Variants in MREG observed in about 807,000 individuals in gnomAD.
MREG encodes the protein melanoregulin, also known as dilute suppressor protein homolog.
In MREG, 31 loss-of-function variants were observed where a neutral mutation model predicts 28.5. The ratio of observed to expected loss-of-function variants is 1.09; its 90% CI spans 0.82 to 1.47. The LOEUF is 1.47. Among genes scored for constraint, MREG ranks in the 40% most tolerant of loss-of-function variants. The pLI is 0.00. For synonymous variants in MREG, 106 were observed against 95.2 expected (o/e 1.11, Z -0.66); for missense variants, 256 against 257.4 (o/e 0.99, Z 0.04).
intron 2 of MREG, among the ~76,000 whole-genome samples, chr2:215,948,628 CTTA>C (rs1692383729): frequency 1.3e-5 from 2 of 152,152 alleles, no homozygotes. Context: ...TTGGAAGGGC[CTTA>C]TTATACTTAC....
intron 1 of MREG, among the ~76,000 whole-genome samples, chr2:216,028,321 A>C (rs1010296697): frequency 2.0e-5 from 3 of 152,060 alleles, no homozygotes; most frequent in Non-Finnish European, 4.4e-5. Flanking sequence ...CGAGATCACG[A>C]GGTCAGGAGA....
In MREG at chr2:215,963,463, A is replaced by C. The variant is rs868223738; in HGVS notation, c.256-16350T>G. Among the ~76,000 whole-genome samples, 47 of 147,826 alleles carry C rather than the reference A, an allele frequency of 3.2e-4. No homozygotes were observed. The South Asian group carries it at 0.01, about 32-fold the overall frequency. On this transcript the variant is annotated intron_variant, in intron 2 of 4. Transcript: ENST00000263268. Reference sequence around the variant, plus strand: ...AAAAAAAAAAAAAAAAAACAAAAAAACAGAGTTTTTATATTGATTACGTGT... The same window carrying C: ...AAAAAAAAAAAAAAAAAACAAAAAACCAGAGTTTTTATATTGATTACGTGT...
At chr2:215,972,216 C>T (rs1012774993) in intron 2 of MREG, among the ~76,000 whole-genome samples, 1 of 152,102 alleles carries the variant, frequency 6.6e-6, no homozygotes, top group Non-Finnish European at 1.5e-5. Context: ...TGGGAAAGAC[C>T]AAAAACTTCA....
chr2:216,018,635 C>T (rs1694479654), intron 1 of MREG, among the ~76,000 whole-genome samples: 1 of 152,236 alleles, frequency 6.6e-6, no homozygotes, highest in South Asian at 2.1e-4. Context: ...TCATCACTCA[C>T]CCCAAGTGAT....
intron 1 of MREG, among the ~76,000 whole-genome samples, chr2:216,004,566 A>C (rs1160439250): frequency 3.0e-4 from 9 of 29,778 alleles, no homozygotes; most frequent in East Asian, 3.7e-3. Flanking sequence ...AAAACAAACA[A>C]AAAAAAAAAA....
chr2:215,990,667 C>T (rs377557859), intron 2 of MREG, among the ~76,000 whole-genome samples: 8 of 152,236 alleles, frequency 5.3e-5, no homozygotes, highest in African/African-American at 1.9e-4. Flanking sequence ...CATGCAAAGA[C>T]ACATATAGGC....
intron 2 of MREG, among the ~76,000 whole-genome samples, chr2:215,965,535 AC>A (rs1251266433): frequency 1.3e-5 from 2 of 152,180 alleles, no homozygotes; most frequent in African/African-American, 4.8e-5. Flanking sequence ...TTTTAGAAAA[AC>A]CAACAATCCT....
At chr2:215,994,027 A>G in intron 2 of MREG, among the ~76,000 whole-genome samples, 1 of 150,932 alleles carries the variant, frequency 6.6e-6, no homozygotes, top group Non-Finnish European at 1.5e-5. Context: ...ATCTAGAACC[A>G]GAAATACCAT....
intron 2 of MREG, among the ~76,000 whole-genome samples, chr2:215,970,008 T>C (rs17392503): frequency 0.023 from 3,495 of 152,324 alleles, 54 homozygotes; most frequent in African/African-American, 0.028. Context: ...TTTTTTATTT[T>C]ATCAATTGCA....
intron 2 of MREG, among the ~76,000 whole-genome samples, chr2:215,966,822 G>A (rs1370000632): frequency 1.3e-5 from 2 of 152,038 alleles, no homozygotes; most frequent in South Asian, 2.1e-4. Context: ...GGCTGGTCTC[G>A]AACTCCTGAC....
intron 2 of MREG, among the ~76,000 whole-genome samples, chr2:215,952,515 A>G (rs1045639482): frequency 3.9e-5 from 6 of 152,188 alleles, no homozygotes; most frequent in African/African-American, 1.2e-4. Flanking sequence ...TCTCATCTGT[A>G]TTACTGAGTT....
At chr2:216,026,260 G>A (rs529908011) in intron 1 of MREG, among the ~76,000 whole-genome samples, 93 of 152,308 alleles carry the variant, frequency 6.1e-4, no homozygotes, top group African/African-American at 2.1e-3. Flanking sequence ...TGATGAAAAC[G>A]TTTTGAAACT....
intron 1 of MREG, among the ~76,000 whole-genome samples, chr2:216,030,954 T>TCACA (rs1351013731): frequency 1.6e-4 from 17 of 109,470 alleles, no homozygotes; most frequent in Non-Finnish European, 2.0e-4. Context: ...TCTCTCTCTC[T>TCACA]CTCACACACA....
At chr2:216,017,056 C>G (rs545599095), upstream of MREG, among the ~76,000 whole-genome samples, 1 of 152,308 alleles carries the variant, frequency 6.6e-6, no homozygotes, top group African/African-American at 2.4e-5. Flanking sequence ...CACATCCCCC[C>G]GGGTAACCAT....
chr2:215,959,978 C>T (rs112756810), intron 2 of MREG, among the ~76,000 whole-genome samples: 6,719 of 148,208 alleles, frequency 0.045, 228 homozygotes, highest in Non-Finnish European at 0.064. Flanking sequence ...TTTTTTGAGA[C>T]GGAGTCTCGC....
upstream of MREG, among the ~76,000 whole-genome samples, chr2:216,014,365 G>A (rs1694393628): frequency 2.0e-5 from 3 of 152,062 alleles, no homozygotes; most frequent in South Asian, 6.2e-4. Flanking sequence ...ATGTCTATTG[G>A]ATAGGCCGGG....
At chr2:216,012,256 G>C (rs1270158327) in intron 1 of MREG, among the ~76,000 whole-genome samples, 2 of 152,190 alleles carry the variant, frequency 1.3e-5, no homozygotes, top group Non-Finnish European at 2.9e-5. Flanking sequence ...CGGCCGCAAG[G>C]AGTGTACACT....
intron 2 of MREG, among the ~76,000 whole-genome samples, chr2:215,962,303 C>T (rs1692812738): frequency 6.6e-6 from 1 of 152,112 alleles, no homozygotes; most frequent in Admixed American, 6.5e-5. Flanking sequence ...CAATAAGATT[C>T]GAGCTAGTTT....
chr2:215,939,898 T>C (rs1281512695), downstream of MREG, among the ~76,000 whole-genome samples: 1 of 139,724 alleles, frequency 7.2e-6, no homozygotes, highest in African/African-American at 2.6e-5. Context: ...AATTGCTGCA[T>C]AAAAACTACA....
Sources: allele counts gnomAD v4.1 joint callset (sites outside exome capture counted in the v4.1 genomes callset), GRCh38; gene constraint gnomAD v4.1.1; transcripts MANE v1.5; gene names NCBI Gene and HGNC (gene_info 2026-07-23, HGNC 2026-07-21).